The following MYO9B variants were observed in gnomAD, a reference collection of about 807,000 sequenced individuals.
The protein encoded by MYO9B is myosin IXB, also known as unconventional myosin-IXb.
In MYO9B, 71 loss-of-function variants were observed where a neutral mutation model predicts 229.5. The ratio of observed to expected loss-of-function variants is 0.31; its 90% CI spans 0.26 to 0.38. The LOEUF is 0.38. MYO9B is among the 10% of genes least tolerant of loss of function. MYO9B has a pLI of 1.00. For missense variants in MYO9B, 2,255 were observed against 2,920.5 expected (o/e 0.77, Z 5.25); for synonymous variants, 1,185 against 1,235.8 (o/e 0.96, Z 0.86).
intron 2 of MYO9B, among the ~76,000 whole-genome samples, chr19:17,114,416 C>T (rs944941322): frequency 6.6e-6 from 1 of 151,994 alleles, no homozygotes; most frequent in African/African-American, 2.4e-5. Context: ...GCCCAGGGGA[C>T]GGTCACTGCT....
intron 19 of MYO9B, among the ~76,000 whole-genome samples, chr19:17,190,750 C>T (rs2072975679): frequency 6.6e-6 from 1 of 152,018 alleles, no homozygotes; most frequent in South Asian, 2.1e-4. Flanking sequence ...CCTCCGCCTC[C>T]CAGGTTCAAG....
At chr19:17,208,247 G>T (rs2073184773) in intron 35 of MYO9B, among the ~76,000 whole-genome samples, 1 of 143,916 alleles carries the variant, frequency 6.9e-6, no homozygotes, top group African/African-American at 2.6e-5. Context: ...GCTGAGGCAG[G>T]ATAATTGCTT....
chr19:17,174,807 A>G (rs8109775), intron 13 of MYO9B, among the ~76,000 whole-genome samples: 67,191 of 149,930 alleles, frequency 0.45, 15,534 homozygotes, highest in African/African-American at 0.58. Context: ...AGTGGCAGGC[A>G]CCTATAGTCC....
intron 3 of MYO9B, among the ~76,000 whole-genome samples, chr19:17,146,157 GGATA>G (rs200901371): frequency 0.029 from 2,470 of 85,848 alleles, 44 homozygotes; most frequent in Non-Finnish European, 0.036. Flanking sequence ...ATGGGTGGGT[GGATA>G]GATGGATGGA....
At chr19:17,158,924 C>T (rs537697188) in intron 7 of MYO9B, among the ~76,000 whole-genome samples, 20 of 152,108 alleles carry the variant, frequency 1.3e-4, no homozygotes, top group Admixed American at 9.8e-4. Context: ...CCAGGTGCAG[C>T]GGCTCACGCC....
chr19:17,126,596 C>A (rs2058021659), intron 2 of MYO9B, among the ~76,000 whole-genome samples: 1 of 152,058 alleles, frequency 6.6e-6, no homozygotes, highest in Non-Finnish European at 1.5e-5. Context: ...AGGAAAACGT[C>A]ATTTGCTGCT....
At position 17,159,464 on chromosome 19, in the gene MYO9B, C is replaced by G; in HGVS notation, c.1399C>G (p.Leu467Val). Residue 467 changes from leucine to valine, a missense_variant, in exon 8 of 40, where the codon CTT becomes GTT. Leu to Val is a conservative substitution (Grantham distance 32, BLOSUM62 1). Coordinates refer to ENST00000682292, the MANE Select transcript of MYO9B (RefSeq NM_004145.4). ...GGTGACCGTCAACGACAAGCTTATC[C>G]TTCCCTACAGCCTCAGCGAGGTGAG... ...KTVTVNDKLI[L>V]PYSLSEAITA... 1.9e-6 allele frequency: 3 copies of G among 1,609,838 alleles called. No individual in the cohort carries two copies. The highest frequency in any genetic ancestry group is 2.5e-6 in the Non-Finnish European group (3 of 1,178,126).
At position 17,147,768 on chromosome 19, in the gene MYO9B, C is replaced by G. The variant is rs965646262; in HGVS notation, c.935+2277C>G. ...TGGCGTGATCTCGGCTCACCGCAACCTCTGTCTCCTGGGTTCAAGCGATTC... is the reference window on the plus strand; with the variant it reads ...TGGCGTGATCTCGGCTCACCGCAACGTCTGTCTCCTGGGTTCAAGCGATTC... On this transcript the variant is annotated intron_variant, in intron 3 of 39. Transcript: ENST00000682292. 6.0e-4 allele frequency among the ~76,000 whole-genome samples: 77 copies of G among 128,372 alleles called. 1 individual carries two copies. Among genetic ancestry groups the G allele is most frequent in the Non-Finnish European group, 1.1e-3 (66 of 62,490 alleles). The allele number at this position is 128,372 out of a possible 152,430, so 84.2% of individuals were successfully genotyped here.
intron 2 of MYO9B, among the ~76,000 whole-genome samples, chr19:17,111,242 T>C (rs2145078249): frequency 6.6e-6 from 1 of 152,270 alleles, no homozygotes; most frequent in African/African-American, 2.4e-5. Flanking sequence ...GTGAGGAAAC[T>C]GAGGCACACG....
intron 20 of MYO9B, among the ~76,000 whole-genome samples, chr19:17,191,507 A>T (rs759926529): frequency 1.3e-5 from 2 of 152,096 alleles, no homozygotes; most frequent in Admixed American, 6.6e-5. Flanking sequence ...GATTTAGGAG[A>T]TGGTCAGTCC....
intron 1 of MYO9B, among the ~76,000 whole-genome samples, chr19:17,093,710 T>G (rs2057661571): frequency 1.4e-5 from 2 of 146,766 alleles, no homozygotes; most frequent in Non-Finnish European, 1.5e-5. Flanking sequence ...GGGGGTGGTT[T>G]GAGATAGGTT....
intron 2 of MYO9B, among the ~76,000 whole-genome samples, chr19:17,110,814 A>G (rs1388240118): frequency 1.3e-5 from 2 of 152,068 alleles, no homozygotes; most frequent in Non-Finnish European, 2.9e-5. Flanking sequence ...GATGCCCAGG[A>G]CATTCCAGTG....
intron 2 of MYO9B, among the ~76,000 whole-genome samples, chr19:17,116,321 A>T (rs925155432): frequency 1.3e-5 from 2 of 151,988 alleles, no homozygotes; most frequent in African/African-American, 4.8e-5. Flanking sequence ...CCCCTTCCTC[A>T]CTGTAGCTGA....
At chr19:17,205,844 G>T in intron 31 of MYO9B, 116 bp from the exon 32 acceptor site, 1 of 1,032,172 alleles carries the variant, frequency 9.7e-7, no homozygotes, top group South Asian at 1.7e-5. Context: ...GGGAGGGACA[G>T]AACAGCAGAG....
chr19:17,160,510 C>CTTTTTTTTTTTT (rs34857957), intron 8 of MYO9B, among the ~76,000 whole-genome samples: 12 of 128,172 alleles, frequency 9.4e-5, no homozygotes, highest in Non-Finnish European at 1.3e-4. Flanking sequence ...TCTTTTTTTT[C>CTTTTTTTTTTTT]TTTTTTTTTT....
chr19:17,162,256 G>A, intron 8 of MYO9B, 94 bp from the exon 9 acceptor site: 18 of 1,035,672 alleles, frequency 1.7e-5, no homozygotes, highest in Non-Finnish European at 2.6e-5. Flanking sequence ...AGTGAGCCGA[G>A]ATCATGCCAC....
In MYO9B at chr19:17,137,225, CAAAAAA is replaced by C. The variant is rs34273602; in HGVS notation, c.841-8159_841-8154del. 6.9e-3 allele frequency among the ~76,000 whole-genome samples: 631 copies of C among 91,760 alleles called. 19 individuals carry two copies. The highest frequency in any genetic ancestry group is 0.067 in the Admixed American group (583 of 8,652). 60.2% of individuals were successfully genotyped at this position (91,760 alleles called of 152,430 possible). A position where few individuals can be genotyped will look rare whatever the true frequency, so the allele number is the denominator to read the frequency against. On this transcript the variant is annotated intron_variant, in intron 2 of 39. Coordinates refer to ENST00000682292, the MANE Select transcript of MYO9B (RefSeq NM_004145.4). ...CCTGGGCAACAAGAGCAAACTGTCT[CAAAAAA>C]AAAAAAAAAAAAGCCAGGTGCGGTG... is the stretch of plus-strand genomic sequence containing the variant.
chr19:17,181,363 C>T (rs1484068369), intron 15 of MYO9B, among the ~76,000 whole-genome samples: 1 of 152,230 alleles, frequency 6.6e-6, no homozygotes, highest in Non-Finnish European at 1.5e-5. Context: ...CAGAGCAAAG[C>T]TTGCTCCCGC....
chr19:17,210,202 GGGGAACGGGCTCTGGGCTCCTGT>G, intron 36 of MYO9B, 108 bp from the exon 37 acceptor site: 1 of 889,096 alleles, frequency 1.1e-6, no homozygotes. Context: ...GTGTGTTAGT[GGGGAACGGGCTCTGGGCTCCTGT>G]GGGAACCAGG....
Sources: allele counts gnomAD v4.1 joint callset (sites outside exome capture counted in the v4.1 genomes callset), GRCh38; gene constraint gnomAD v4.1.1; transcripts MANE v1.5; gene names NCBI Gene and HGNC (gene_info 2026-07-23, HGNC 2026-07-21).